The following KHDRBS2 variants were observed in gnomAD, a reference collection of about 807,000 sequenced individuals.
The protein encoded by KHDRBS2 is KH domain-containing, RNA-binding, signal transduction-associated protein 2.
In KHDRBS2, 26 loss-of-function variants were observed where a neutral mutation model predicts 44.3. The observed-to-expected ratio is 0.59, with a 90% CI of 0.43 to 0.81. KHDRBS2 has a LOEUF of 0.81. Among genes scored for constraint, KHDRBS2 ranks in the 40% least tolerant of loss-of-function variants. The probability of loss-of-function intolerance (pLI) is 0.00; values close to 1 mark genes in which losing one functional copy is unlikely to be tolerated. For synonymous variants in KHDRBS2, 194 were observed against 151.1 expected (o/e 1.28, Z -2.08); for missense variants, 476 against 433.1 (o/e 1.10, Z -0.88).
chr6:61,919,947 G>T (rs548677684), intron 4 of KHDRBS2, among the ~76,000 whole-genome samples: 1 of 151,708 alleles, frequency 6.6e-6, no homozygotes, highest in African/African-American at 2.4e-5. Flanking sequence ...ATGATTCTAC[G>T]AATGGTTTGA....
chr6:61,562,621 AG>A, the KHDRBS2 span, among the ~76,000 whole-genome samples: 1 of 152,132 alleles, frequency 6.6e-6, no homozygotes, highest in Non-Finnish European at 1.5e-5. Context: ...TGTCTTTCTT[AG>A]GGACCTCAGA....
chr6:61,814,673 A>G (rs1009863960), intron 6 of KHDRBS2, among the ~76,000 whole-genome samples: 1 of 152,190 alleles, frequency 6.6e-6, no homozygotes, highest in Non-Finnish European at 1.5e-5. Context: ...CCCAAAGTTT[A>G]GAATTGTATG....
intron 6 of KHDRBS2, among the ~76,000 whole-genome samples, chr6:61,749,082 G>A (rs1296931679): frequency 1.0e-4 from 14 of 139,034 alleles, no homozygotes; most frequent in African/African-American, 1.7e-4. Flanking sequence ...GCACAATCTC[G>A]GCTCACTGCA....
At chr6:62,222,654 C>G (rs1831101374) in intron 1 of KHDRBS2, among the ~76,000 whole-genome samples, 2 of 152,110 alleles carry the variant, frequency 1.3e-5, no homozygotes, top group African/African-American at 4.8e-5. Context: ...CCTCCCAAAT[C>G]TCATGTCCTT....
chr6:61,958,390 C>A (rs977302399), intron 4 of KHDRBS2, among the ~76,000 whole-genome samples: 1 of 152,206 alleles, frequency 6.6e-6, no homozygotes, highest in African/African-American at 2.4e-5. Context: ...GATAAAAATG[C>A]CCACACCCTT....
chr6:61,612,225 A>T, the KHDRBS2 span, among the ~76,000 whole-genome samples: 1 of 152,158 alleles, frequency 6.6e-6, no homozygotes, highest in Non-Finnish European at 1.5e-5. Context: ...TATGAGGCTA[A>T]TGAGGACACT....
intron 8 of KHDRBS2, among the ~76,000 whole-genome samples, chr6:61,691,737 T>C (rs1767408194): frequency 2.0e-5 from 3 of 152,116 alleles, no homozygotes; most frequent in Non-Finnish European, 1.5e-5. Flanking sequence ...GTTAACTTCA[T>C]TTTCCTTTGC....
At chr6:61,902,568 C>T (rs115031048) in intron 4 of KHDRBS2, among the ~76,000 whole-genome samples, 1,961 of 152,146 alleles carry the variant, frequency 0.013, 44 homozygotes, top group African/African-American at 0.044. Context: ...AATTGAGTAA[C>T]TGGTTATTTG....
intron 4 of KHDRBS2, among the ~76,000 whole-genome samples, chr6:61,914,326 A>G (rs1358548123): frequency 6.6e-6 from 1 of 152,090 alleles, no homozygotes; most frequent in Admixed American, 6.6e-5. Flanking sequence ...TGAGCTGGAA[A>G]AGTTACTGAA....
At chr6:61,619,542 C>T in the KHDRBS2 span, among the ~76,000 whole-genome samples, 1 of 152,176 alleles carries the variant, frequency 6.6e-6, no homozygotes, top group Admixed American at 6.5e-5. Flanking sequence ...GCAACCTCTG[C>T]CTCCCGGATT....
chr6:62,241,812 G>C lies in KHDRBS2; in HGVS notation c.91+44046C>G, dbSNP rs141030964. The stretch of plus-strand genomic sequence containing the variant: ...CCAGGATTCAAGATTTGTGAGCCAA[G>C]TACAGTAGAAGGGCAAATAGGTATT... On this transcript the variant is annotated intron_variant, in intron 1 of 8. Coordinates refer to ENST00000281156, the MANE Select transcript of KHDRBS2 (RefSeq NM_152688.4). Among the ~76,000 whole-genome samples the C allele has an allele frequency of 8.6e-3, 1,281 of 149,338 alleles. 16 individuals are homozygous for C. The highest frequency in any genetic ancestry group is 0.031 in the African/African-American group (1,195 of 38,826).
At chr6:62,229,610 G>A (rs1832556767) in intron 1 of KHDRBS2, among the ~76,000 whole-genome samples, 1 of 152,170 alleles carries the variant, frequency 6.6e-6, no homozygotes, top group African/African-American at 2.4e-5. Context: ...CTCCATGGTT[G>A]GGAGCCTGGG....
At chr6:61,983,200 T>TTTTCTTTCTTTCTTTCTTTCTTTC (rs70993191) in intron 3 of KHDRBS2, among the ~76,000 whole-genome samples, 11 of 46,036 alleles carry the variant, frequency 2.4e-4, no homozygotes, top group South Asian at 1.1e-3. Context: ...GTTTTTTTCA[T>TTTTCTTTCTTTCTTTCTTTCTTTC]TTTCTTTCTT....
At chr6:62,213,872 T>C (rs1202107552) in intron 1 of KHDRBS2, among the ~76,000 whole-genome samples, 1 of 22,408 alleles carries the variant, frequency 4.5e-5, no homozygotes, top group African/African-American at 2.6e-4. Flanking sequence ...AGACTCCATC[T>C]CAAAAAAAAA....
chr6:62,251,859 T>C lies in KHDRBS2; in HGVS notation c.91+33999A>G, dbSNP rs150370710. On this transcript the variant is annotated intron_variant, in intron 1 of 8. Transcript: ENST00000281156. ...AAAATTTGCTATTATTAAAAAATAGTAAATGTAGTATTAAAGATAAAGCAT... is the reference window on the plus strand; with the variant it reads ...AAAATTTGCTATTATTAAAAAATAGCAAATGTAGTATTAAAGATAAAGCAT... Among the ~76,000 whole-genome samples, 545 of 152,018 alleles carry C rather than the reference T, an allele frequency of 3.6e-3. 2 individuals are homozygous for C. Among genetic ancestry groups the C allele is most frequent in the African/African-American group, 0.013 (526 of 41,522 alleles).
chr6:61,825,640 T>C (rs562844895), intron 6 of KHDRBS2, among the ~76,000 whole-genome samples: 95 of 152,280 alleles, frequency 6.2e-4, no homozygotes, highest in African/African-American at 2.2e-3. Flanking sequence ...TTAAAATTTA[T>C]ATGTGCTTGT....
At chr6:62,193,397 T>A (rs1013476337) in intron 1 of KHDRBS2, among the ~76,000 whole-genome samples, 1 of 152,072 alleles carries the variant, frequency 6.6e-6, no homozygotes, top group Non-Finnish European at 1.5e-5. Context: ...GTTCTAATTT[T>A]TATGGGCCTC....
intron 2 of KHDRBS2, among the ~76,000 whole-genome samples, chr6:62,071,797 C>T (rs537408880): frequency 8.3e-4 from 126 of 152,036 alleles, no homozygotes; most frequent in African/African-American, 2.8e-3. Flanking sequence ...TTTGTTCTTT[C>T]GGCTTAGGAT....
At chr6:62,251,727 A>G (rs1188931376) in intron 1 of KHDRBS2, among the ~76,000 whole-genome samples, 2 of 151,992 alleles carry the variant, frequency 1.3e-5, no homozygotes, top group Admixed American at 6.6e-5. Flanking sequence ...GCCTGCATAT[A>G]TACCTAACAC....
Sources: gnomAD v4.1 joint callset for allele counts (sites outside exome capture counted in the v4.1 genomes callset) on GRCh38, gnomAD v4.1.1 for gene constraint, MANE v1.5 for transcripts, NCBI Gene and HGNC (gene_info 2026-07-23, HGNC 2026-07-21) for gene names.